ACBD4: variants seen among roughly 807,000 people sequenced by gnomAD.
ACBD4 encodes acyl-CoA binding domain containing 4, also known as acyl-CoA-binding domain-containing protein 4.
ACBD4 carries 41 observed loss-of-function variants against 46.0 expected under a neutral mutation model. That is an observed-to-expected ratio of 0.89 (90% confidence interval 0.69 to 1.16). The LOEUF (loss-of-function observed/expected upper bound fraction) is 1.16. ACBD4 is among the 50% of genes most tolerant of loss of function. The pLI, the probability that ACBD4 is intolerant of heterozygous loss-of-function variation, is 0.00. For missense variants in ACBD4, 393 were observed against 399.5 expected (o/e 0.98, Z 0.14); for synonymous variants, 162 against 155.9 (o/e 1.04, Z -0.29).
intron 9 of ACBD4, among the ~76,000 whole-genome samples, chr17:45,141,396 T>C (rs1446164166): frequency 2.6e-5 from 4 of 152,112 alleles, no homozygotes; most frequent in African/African-American, 9.7e-5. Flanking sequence ...AGAGTCACAT[T>C]AAACATTTGG....
At chr17:45,132,422 G>T, upstream of ACBD4, 1 of 1,203,726 alleles carries the variant, frequency 8.3e-7, no homozygotes. This position sits in a 1 kb window ranked among gnomAD's most constrained non-coding sequence, Gnocchi z 4.6. Context: ...GCTTGGCGGG[G>T]GGCCGGGGCC....
intron 9 of ACBD4, among the ~76,000 whole-genome samples, chr17:45,140,688 T>C (rs920201394): frequency 4.0e-5 from 6 of 148,796 alleles, no homozygotes; most frequent in Non-Finnish European, 7.4e-5. Flanking sequence ...CTAAACATCA[T>C]GATGTTCCAC....
At chr17:45,133,766 C>CAG, upstream of ACBD4, among the ~76,000 whole-genome samples, 1 of 151,720 alleles carries the variant, frequency 6.6e-6, no homozygotes, top group Non-Finnish European at 1.5e-5. Context: ...CTCCTGACCT[C>CAG]GTGATCCGCC....
At chr17:45,142,086 A>C (rs2055307201) in intron 9 of ACBD4, among the ~76,000 whole-genome samples, 1 of 152,080 alleles carries the variant, frequency 6.6e-6, no homozygotes, top group Admixed American at 6.6e-5. Flanking sequence ...TTAGTTATCT[A>C]TTTTTAAAGT....
upstream of ACBD4, among the ~76,000 whole-genome samples, chr17:45,135,069 G>T (rs1237455677): frequency 6.6e-6 from 1 of 151,422 alleles, no homozygotes; most frequent in Non-Finnish European, 1.5e-5. Flanking sequence ...GGGTTCAAGC[G>T]ATTCTCCTGC....
chr17:45,134,566 G>A (rs1408589491), upstream of ACBD4, among the ~76,000 whole-genome samples: 3 of 152,152 alleles, frequency 2.0e-5, no homozygotes, highest in Non-Finnish European at 2.9e-5. Flanking sequence ...CACGAGGTCA[G>A]GAGATCGAGA....
chr17:45,136,637 C>A lies in ACBD4; in HGVS notation c.209+17C>A, dbSNP rs1453820553. ...ATATAAGTGGTGAGCTCCCTGCTGG[C>A]TGGGCAGACAAGCCTCAGCTGTCAA... is the stretch of plus-strand genomic sequence containing the variant. On this transcript the variant is annotated intron_variant, in intron 3 of 9. Coordinates refer to ENST00000321854, the MANE Select transcript of ACBD4 (RefSeq NM_001135705.3). 2 of 1,613,684 alleles carry A rather than the reference C, an allele frequency of 1.2e-6. No homozygotes were observed. Among genetic ancestry groups the A allele is most frequent in the East Asian group, 2.2e-5 (1 of 44,886 alleles).
Position 45,136,104 on chromosome 17 carries a change from G to A in ACBD4, c.-37-4G>A, listed in dbSNP as rs1223902510. The A allele has an allele frequency of 6.2e-7, 1 of 1,605,974 alleles. No homozygotes were observed. The highest frequency in any genetic ancestry group is 1.1e-5 in the South Asian group (1 of 90,846). ...CCCCCTCACACGAAGGCTGCTTCTT[G>A]CAGAGTCGCTCAAAAGTAGGGCCCC... On this transcript the variant is annotated splice_region_variant and splice_polypyrimidine_tract_variant and intron_variant, in intron 1 of 9. Coordinates refer to ENST00000321854, the MANE Select transcript of ACBD4 (RefSeq NM_001135705.3).
chr17:45,142,481 C>A, intron 9 of ACBD4: 1 of 171,956 alleles, frequency 5.8e-6, no homozygotes, highest in Non-Finnish European at 1.3e-5. Context: ...GACAAAAATT[C>A]CAGTTTTCTC....
chr17:45,138,914 C>T (rs4986172), intron 8 of ACBD4, 107 bp from the exon 9 acceptor site: 447,957 of 1,208,418 alleles, frequency 0.37, 86,657 homozygotes, highest in African/African-American at 0.62. Context: ...GGTACAGCGA[C>T]TGGGTTCCAC....
intron 2 of ACBD4, 65 bp from the exon 3 acceptor site, chr17:45,136,434 TC>T: frequency 1.3e-6 from 2 of 1,555,392 alleles, no homozygotes; most frequent in South Asian, 1.2e-5. Context: ...AGCAGGGTTC[TC>T]CCGCCCCTCC....
At chr17:45,142,389 C>CAAA (rs1161132274) in intron 9 of ACBD4, among the ~76,000 whole-genome samples, 387 of 28,612 alleles carry the variant, frequency 0.014, 1 homozygote, top group Non-Finnish European at 0.015. Flanking sequence ...CAAGACTCCT[C>CAAA]AAAAAAAAAA....
chr17:45,140,884 G>C (rs1056090426), intron 9 of ACBD4, among the ~76,000 whole-genome samples: 1 of 152,050 alleles, frequency 6.6e-6, no homozygotes, highest in Admixed American at 6.6e-5. Flanking sequence ...GAGGTGGCAG[G>C]CACCTGTAAT....
In ACBD4 at chr17:45,140,438, C is replaced by T. The variant is rs1406404834; in HGVS notation, c.789+1278C>T. The stretch of plus-strand genomic sequence containing the variant: ...CCTCGTAATCCACCTGCCTCAGCCT[C>T]CCAAAGTGCTGGGATTACAGGTGTG... On this transcript the variant is annotated intron_variant, in intron 9 of 9. Transcript: ENST00000321854. Among the ~76,000 whole-genome samples, 10 of 150,926 alleles carry T rather than the reference C, an allele frequency of 6.6e-5. 1 individual carries two copies. In the South Asian group the frequency reaches 8.3e-4, roughly 13 times the overall value.
chr17:45,140,001 G>T (rs764173472), intron 9 of ACBD4, among the ~76,000 whole-genome samples: 3 of 152,114 alleles, frequency 2.0e-5, no homozygotes, highest in Non-Finnish European at 2.9e-5. Context: ...CTGAGGTAGT[G>T]GGGGCAGAGA....
At chr17:45,138,964 C>T in intron 8 of ACBD4, 57 bp from the exon 9 acceptor site, 1 of 1,596,506 alleles carries the variant, frequency 6.3e-7, no homozygotes, top group Non-Finnish European at 8.5e-7. Context: ...TGCCCCCACC[C>T]TGCCCAGAGC....
At chr17:45,133,285 G>A (rs999784093), upstream of ACBD4, 7 of 152,260 alleles carry the variant, frequency 4.6e-5, no homozygotes, top group South Asian at 8.3e-4. Flanking sequence ...CGTGCGCGAA[G>A]TGGGGGACGT....
In ACBD4 at chr17:45,137,104, C is replaced by T. The variant is rs200102361; in HGVS notation, c.380C>T (p.Pro127Leu). Residue 127 changes from proline to leucine, a missense_variant, in exon 5 of 10, where the codon CCG becomes CTG. Pro to Leu is a moderately conservative substitution (Grantham distance 98). Transcript: ENST00000321854. ...CTGTACCAGGTGATCCCTGACATGC[C>T]GAGGCCCCCAGAGACCTTCCTGAGA... ...EPLYQVIPDMPRPPETFLRRV... is the reference protein window; with the variant it reads ...EPLYQVIPDMLRPPETFLRRV... The T allele has an allele frequency of 8.4e-5, 135 of 1,613,998 alleles. 1 individual carries two copies. Among genetic ancestry groups the T allele is most frequent in the Non-Finnish European group, 1.0e-4 (122 of 1,180,028 alleles).
rs1339605152 is a variant in ACBD4, at chr17:45,137,904, T to C, written c.574-9T>C. ...CTCCCACCCTCAGCTCTCTGACTCATCTCAGCAGGTTTGGACAGAGCAGCG... is the reference window on the plus strand; with the variant it reads ...CTCCCACCCTCAGCTCTCTGACTCACCTCAGCAGGTTTGGACAGAGCAGCG... On this transcript the variant is annotated splice_polypyrimidine_tract_variant and intron_variant, in intron 7 of 9. Coordinates refer to ENST00000321854, the MANE Select transcript of ACBD4 (RefSeq NM_001135705.3). The C allele has an allele frequency of 6.2e-7, 1 of 1,607,366 alleles. No individual in the cohort carries two copies. Among genetic ancestry groups the C allele is most frequent in the Non-Finnish European group, 8.5e-7 (1 of 1,176,820 alleles).
Sources: gnomAD v4.1 joint callset for allele counts (sites outside exome capture counted in the v4.1 genomes callset) on GRCh38, gnomAD v4.1.1 for gene constraint, Gnocchi (gnomAD v3.1) non-coding constraint, MANE v1.5 for transcripts, NCBI Gene and HGNC (gene_info 2026-07-23, HGNC 2026-07-21) for gene names.